FOXO1: variants seen among roughly 807,000 people sequenced by gnomAD.
The protein encoded by FOXO1 is forkhead box protein O1.
Under a neutral mutation model 44.1 loss-of-function variants are expected in FOXO1, and 6 were observed. That is an observed-to-expected ratio of 0.14 (90% CI 0.07 to 0.27). The LOEUF (loss-of-function observed/expected upper bound fraction) is 0.27. FOXO1 is among the 10% of genes least tolerant of loss of function. FOXO1 has a pLI of 1.00. For missense variants in FOXO1, 737 were observed against 888.8 expected (o/e 0.83, Z 2.17); for synonymous variants, 380 against 362.7 (o/e 1.05, Z -0.54).
At chr13:40,620,301 G>A in intron 1 of FOXO1, 12 of 982,758 alleles carry the variant, frequency 1.2e-5, no homozygotes, top group Non-Finnish European at 1.6e-5. Flanking sequence ...ATCCAGAGTA[G>A]GGCTAACAGA....
intron 1 of FOXO1, chr13:40,619,533 T>C (rs1199601351): frequency 1.4e-5 from 19 of 1,368,322 alleles, no homozygotes; most frequent in Non-Finnish European, 1.9e-5. Flanking sequence ...ATAGAGGATC[T>C]GAAATTCATG....
intron 1 of FOXO1, among the ~76,000 whole-genome samples, chr13:40,640,945 G>A (rs528863862): frequency 1.3e-5 from 2 of 151,982 alleles, no homozygotes; most frequent in South Asian, 2.1e-4. Context: ...CACCATACCC[G>A]GCTGATTTTT....
chr13:40,567,434 T>C (rs947449830), intron 1 of FOXO1, among the ~76,000 whole-genome samples: 1 of 151,874 alleles, frequency 6.6e-6, no homozygotes, highest in Non-Finnish European at 1.5e-5. Flanking sequence ...ACTTTAGAAA[T>C]GGAAAAGGAA....
At chr13:40,563,211 C>T (rs1262559273) in intron 1 of FOXO1, among the ~76,000 whole-genome samples, 3 of 152,194 alleles carry the variant, frequency 2.0e-5, no homozygotes, top group Non-Finnish European at 4.4e-5. Flanking sequence ...CGCCCGGGCC[C>T]GAGTGCCAAC....
intron 1 of FOXO1, among the ~76,000 whole-genome samples, chr13:40,633,153 T>C (rs1487348471): frequency 6.6e-6 from 1 of 152,260 alleles, no homozygotes; most frequent in African/African-American, 2.4e-5. Context: ...ATACCTTTCA[T>C]GGTAGGAATG....
chr13:40,650,037 A>C (rs1877626604), intron 1 of FOXO1, among the ~76,000 whole-genome samples: 1 of 152,220 alleles, frequency 6.6e-6, no homozygotes, highest in South Asian at 2.1e-4. Flanking sequence ...TAATAAAAGA[A>C]TGGCTACTCC....
chr13:40,559,206 C>CA lies in FOXO1; in HGVS notation c.*15-173dup, dbSNP rs571218689. On this transcript the variant is annotated intron_variant, in intron 2 of 2. Coordinates refer to ENST00000379561, the MANE Select transcript of FOXO1 (RefSeq NM_002015.4). ...ATTCAATGGGGAAAATTCTACTTTACAAAAAACCCTTCAGCATTTGATTTA... is the reference window on the plus strand; with the variant it reads ...ATTCAATGGGGAAAATTCTACTTTACAAAAAAACCCTTCAGCATTTGATTTA... Among the ~76,000 whole-genome samples, 37 of 152,130 alleles carry CA rather than the reference C, an allele frequency of 2.4e-4. No individual in the cohort carries two copies. In the Middle Eastern group the frequency reaches 0.01, roughly 42 times the overall value.
intron 1 of FOXO1, among the ~76,000 whole-genome samples, chr13:40,659,153 A>G (rs1370844917): frequency 2.6e-5 from 4 of 151,906 alleles, no homozygotes; most frequent in Non-Finnish European, 4.4e-5. Context: ...TGTCTCTACT[A>G]AAAATACAAA....
intron 1 of FOXO1, chr13:40,618,721 A>G: frequency 2.4e-6 from 1 of 417,736 alleles, no homozygotes; most frequent in Admixed American, 2.8e-5. Flanking sequence ...GAAAATAAGA[A>G]AGCCAGGAAT....
chr13:40,620,252 G>C, intron 1 of FOXO1: 2 of 1,422,666 alleles, frequency 1.4e-6, no homozygotes, highest in Admixed American at 3.4e-5. Context: ...ATCCATCCCG[G>C]AGAAAATAGA....
intron 1 of FOXO1, among the ~76,000 whole-genome samples, chr13:40,636,004 G>A (rs1877136784): frequency 6.6e-6 from 1 of 152,214 alleles, no homozygotes; most frequent in African/African-American, 2.4e-5. Flanking sequence ...GAGGTCGGGA[G>A]TTCGAAACTA....
chr13:40,624,317 T>TAA lies in FOXO1; in HGVS notation c.630+41264_630+41265dup, dbSNP rs10552634. Among the ~76,000 whole-genome samples, 324 of 100,948 alleles carry TAA rather than the reference T, an allele frequency of 3.2e-3. 5 individuals are homozygous for TAA. Among genetic ancestry groups the TAA allele is most frequent in the African/African-American group, 9.9e-3 (291 of 29,498 alleles). The allele number at this position is 100,948 out of a possible 152,430, so 66.2% of individuals were successfully genotyped here. ...AAAGCTCTTAAAAACTAATACTGCT[T>TAA]AAAAAAAAAAAAAAAAAAAAAAGAT... On this transcript the variant is annotated intron_variant, in intron 1 of 2. Transcript: ENST00000379561.
At chr13:40,591,863 C>T (rs1388868527) in intron 1 of FOXO1, among the ~76,000 whole-genome samples, 2 of 152,054 alleles carry the variant, frequency 1.3e-5, no homozygotes, top group African/African-American at 4.8e-5. Flanking sequence ...TGTGCCACCA[C>T]GCCAGGCTAA....
intron 1 of FOXO1, among the ~76,000 whole-genome samples, chr13:40,578,105 G>A (rs1390037659): frequency 2.0e-5 from 3 of 152,098 alleles, no homozygotes; most frequent in Non-Finnish European, 4.4e-5. Flanking sequence ...AAAATTGCAC[G>A]CAAAGTTGAA....
chr13:40,615,443 A>C (rs1414700622), intron 1 of FOXO1, among the ~76,000 whole-genome samples: 1 of 152,082 alleles, frequency 6.6e-6, no homozygotes, highest in Non-Finnish European at 1.5e-5. Context: ...GCTGAGGCAG[A>C]ACTGCTTGAA....
intron 1 of FOXO1, among the ~76,000 whole-genome samples, chr13:40,664,583 G>A (rs113181287): frequency 1.3e-5 from 2 of 152,056 alleles, no homozygotes; most frequent in East Asian, 3.9e-4. Context: ...CCCCCCGCCT[G>A]GTCCTCCATG....
chr13:40,588,243 T>C (rs1566068583), intron 1 of FOXO1, among the ~76,000 whole-genome samples: 1 of 152,194 alleles, frequency 6.6e-6, no homozygotes, highest in Non-Finnish European at 1.5e-5. Flanking sequence ...TTGCTCAGGC[T>C]CTACTTACAA....
intron 1 of FOXO1, among the ~76,000 whole-genome samples, chr13:40,642,755 C>A (rs1405674057): frequency 1.3e-5 from 2 of 151,868 alleles, no homozygotes; most frequent in Admixed American, 1.3e-4. Flanking sequence ...ACCGTCTCTA[C>A]CAAAAATACA....
intron 1 of FOXO1, among the ~76,000 whole-genome samples, chr13:40,629,325 A>T (rs1228384280): frequency 6.6e-6 from 1 of 152,158 alleles, no homozygotes; most frequent in Non-Finnish European, 1.5e-5. Flanking sequence ...TATTTTTAGT[A>T]GAGATGGGGT....
Sources: gnomAD v4.1 joint callset for allele counts (sites outside exome capture counted in the v4.1 genomes callset) on GRCh38, gnomAD v4.1.1 for gene constraint, MANE v1.5 for transcripts, NCBI Gene and HGNC (gene_info 2026-07-23, HGNC 2026-07-21) for gene names.